The following EBF2 variants were observed in gnomAD, a reference collection of about 807,000 sequenced individuals.
EBF2 encodes the protein transcription factor COE2.
Under a neutral mutation model 72.8 loss-of-function variants are expected in EBF2, and 21 were observed. That is an observed-to-expected ratio of 0.29 (90% CI 0.20 to 0.42). The LOEUF is 0.42. Ranked by LOEUF, EBF2 falls within the 10% of genes least tolerant of loss-of-function variation. The pLI, the probability that EBF2 is intolerant of heterozygous loss-of-function variation, is 1.00. For missense variants in EBF2, 637 were observed against 731.2 expected, an observed-to-expected ratio of 0.87 and a Z score of 1.49; for synonymous variants, 299 against 274.2, an observed-to-expected ratio of 1.09 and a Z score of -0.89.
At position 25,862,689 on chromosome 8, in the gene EBF2, C is replaced by A. The variant is rs762684632; in HGVS notation, c.1098+20G>T. ...ATTCTACACAAATGGCTTCACATGT[C>A]AATTTCCAAAGCACATTACCTTAGC... On this transcript the variant is annotated intron_variant, in intron 11 of 15. Transcript: ENST00000520164. The A allele has an allele frequency of 7.1e-6, 11 of 1,557,196 alleles. No individual in the cohort carries two copies. The South Asian group carries it at 1.1e-4, about 15-fold the overall frequency.
chr8:25,895,427 G>GTGGTAGGT (rs1223941413), intron 7 of EBF2, among the ~76,000 whole-genome samples: 1 of 152,166 alleles, frequency 6.6e-6, no homozygotes, highest in Non-Finnish European at 1.5e-5. Context: ...GAGAGTGACG[G>GTGGTAGGT]TGGTAGGTTC....
Position 26,002,143 on chromosome 8 carries a change from G to A in EBF2, c.551+30942C>T, listed in dbSNP as rs1051154289. ...TCCCAGGCCACTTGCTTGCCTGAAA[G>A]TGGAATCAAAGGTGCCAGCCCAGGG... On this transcript the variant is annotated intron_variant, in intron 6 of 15. Transcript: ENST00000520164. Among the ~76,000 whole-genome samples, 5 of 152,280 alleles carry A rather than the reference G, an allele frequency of 3.3e-5. No homozygotes were observed. The East Asian group carries it at 9.7e-4, about 29-fold the overall frequency.
At chr8:25,995,416 T>C (rs990928988) in intron 6 of EBF2, among the ~76,000 whole-genome samples, 5 of 151,720 alleles carry the variant, frequency 3.3e-5, no homozygotes, top group African/African-American at 1.2e-4. Flanking sequence ...ATAAAAACAA[T>C]AAAAAATGGA....
intron 6 of EBF2, among the ~76,000 whole-genome samples, chr8:25,966,229 C>T (rs1804112508): frequency 6.6e-6 from 1 of 152,208 alleles, no homozygotes; most frequent in Admixed American, 6.5e-5. Flanking sequence ...ATGAGGCTGC[C>T]TAGGCTTTTG....
chr8:25,972,132 G>A (rs1382986674), intron 6 of EBF2, among the ~76,000 whole-genome samples: 1 of 152,238 alleles, frequency 6.6e-6, no homozygotes, highest in Non-Finnish European at 1.5e-5. Context: ...GAGCTAGGGT[G>A]CAGAAATCAA....
intron 15 of EBF2, 28 bp downstream of exon 15, chr8:25,850,566 G>A: frequency 1.3e-6 from 2 of 1,515,530 alleles, no homozygotes; most frequent in Non-Finnish European, 1.8e-6. Context: ...GGTACATTGT[G>A]TATCCCCAAA....
chr8:25,977,089 G>T (rs1264941708), intron 6 of EBF2, among the ~76,000 whole-genome samples: 1 of 152,150 alleles, frequency 6.6e-6, no homozygotes, highest in Non-Finnish European at 1.5e-5. Context: ...ATCTGACTGA[G>T]ATCTGATTAG....
At chr8:26,008,249 A>G (rs1170240521) in intron 6 of EBF2, among the ~76,000 whole-genome samples, 3 of 152,186 alleles carry the variant, frequency 2.0e-5, no homozygotes, top group Non-Finnish European at 4.4e-5. Context: ...TGGAAAAATC[A>G]TAATATGCAT....
At chr8:25,883,094 G>T (rs1056250726) in intron 10 of EBF2, among the ~76,000 whole-genome samples, 4 of 152,210 alleles carry the variant, frequency 2.6e-5, no homozygotes, top group African/African-American at 9.6e-5. Context: ...TCTGGAAAAG[G>T]AGGACTTTGA....
intron 10 of EBF2, among the ~76,000 whole-genome samples, chr8:25,881,133 G>A (rs4294188): frequency 0.54 from 82,285 of 152,108 alleles, 24,866 homozygotes; most frequent in African/African-American, 0.81. Flanking sequence ...CATCCAACCT[G>A]GCTTCCAAGC....
Position 25,947,578 on chromosome 8 carries a change from C to A in EBF2, c.552-39023G>T, listed in dbSNP as rs868855826. ...TGCATTTAGACCAGCATCCATACAC[C>A]TTTGCTTGGCCTAGGAGTCCCTTGA... On this transcript the variant is annotated intron_variant, in intron 6 of 15. Coordinates refer to ENST00000520164, the MANE Select transcript of EBF2 (RefSeq NM_022659.4). 2.6e-5 allele frequency among the ~76,000 whole-genome samples: 4 copies of A among 152,214 alleles called. No individual in the cohort carries two copies. The South Asian group carries it at 6.2e-4, about 24-fold the overall frequency.
chr8:25,851,913 T>C (rs2117249303), intron 14 of EBF2, among the ~76,000 whole-genome samples: 1 of 152,294 alleles, frequency 6.6e-6, no homozygotes, highest in East Asian at 1.9e-4. Flanking sequence ...TCCTTCCCTA[T>C]AAAAATATAT....
chr8:26,002,351 C>T (rs1804742427), intron 6 of EBF2, among the ~76,000 whole-genome samples: 1 of 152,210 alleles, frequency 6.6e-6, no homozygotes, highest in Non-Finnish European at 1.5e-5. Context: ...TGATGAACTA[C>T]TTTGTCATCG....
chr8:25,966,876 C>A (rs1804123882), intron 6 of EBF2, among the ~76,000 whole-genome samples: 1 of 152,212 alleles, frequency 6.6e-6, no homozygotes. Context: ...AGCTGTGGTG[C>A]CCTTCCTGCC....
chr8:25,904,535 C>T (rs886800585), intron 7 of EBF2, among the ~76,000 whole-genome samples: 1 of 152,008 alleles, frequency 6.6e-6, no homozygotes, highest in Non-Finnish European at 1.5e-5. Context: ...ACGAAAGAAT[C>T]CTTCATATTA....
chr8:25,903,214 G>A (rs1369120419), intron 7 of EBF2, among the ~76,000 whole-genome samples: 13 of 64,952 alleles, frequency 2.0e-4, no homozygotes, highest in Non-Finnish European at 3.4e-4. Flanking sequence ...TTTCCTTTTT[G>A]TGGAGAACAA....
At chr8:25,994,802 C>T (rs1804597840) in intron 6 of EBF2, among the ~76,000 whole-genome samples, 1 of 151,212 alleles carries the variant, frequency 6.6e-6, no homozygotes, top group Non-Finnish European at 1.5e-5. Flanking sequence ...GGAGGGTAGG[C>T]AAAAAAAACT....
intron 6 of EBF2, among the ~76,000 whole-genome samples, chr8:25,969,780 C>T (rs1347400459): frequency 2.6e-5 from 4 of 152,206 alleles, no homozygotes; most frequent in Admixed American, 2.0e-4. Flanking sequence ...TCACAGCTCA[C>T]TGCAGCTTTG....
intron 6 of EBF2, among the ~76,000 whole-genome samples, chr8:25,913,584 A>G (rs550919540): frequency 1.2e-4 from 18 of 152,340 alleles, no homozygotes; most frequent in African/African-American, 4.1e-4. Context: ...TCCCTTAAAA[A>G]AGAATCTAAT....
Sources: gnomAD v4.1 joint callset for allele counts (sites outside exome capture counted in the v4.1 genomes callset) on GRCh38, gnomAD v4.1.1 for gene constraint, MANE v1.5 for transcripts, NCBI Gene and HGNC (gene_info 2026-07-23, HGNC 2026-07-21) for gene names.